Variants in LIFR observed in about 807,000 individuals in gnomAD.
LIFR encodes leukemia inhibitory factor receptor.
In LIFR, 84 loss-of-function variants were observed where a neutral mutation model predicts 122.2. The ratio of observed to expected loss-of-function variants is 0.69; its 90% confidence interval spans 0.58 to 0.82. LIFR has a LOEUF of 0.82. Ranked by LOEUF, LIFR falls within the 40% of genes least tolerant of loss-of-function variation. The pLI is 0.00. For synonymous variants in LIFR, 422 were observed against 434.7 expected (o/e 0.97, Z 0.36); for missense variants, 1,294 against 1,311.6 (o/e 0.99, Z 0.21).
At chr5:38,549,780 G>A (rs1748101809) in intron 1 of LIFR, among the ~76,000 whole-genome samples, 1 of 152,178 alleles carries the variant, frequency 6.6e-6, no homozygotes, top group African/African-American at 2.4e-5. Flanking sequence ...AACACAGCGA[G>A]ACTCCGTTTC....
At chr5:38,561,860 T>C (rs1341770652) in intron 1 of LIFR, among the ~76,000 whole-genome samples, 3 of 152,178 alleles carry the variant, frequency 2.0e-5, no homozygotes, top group Admixed American at 6.5e-5. Flanking sequence ...TACCATCACC[T>C]CCTGTCCTCT....
Position 38,485,878 on chromosome 5 carries a change from G to A in LIFR, c.2438C>T (p.Ala813Val), listed in dbSNP as rs1257416720. ...GKTSYHLVLR[A>V]YTDGGVGPEK... ...CGGGCCCACTCCACCATCTGTATAG[G>A]CTCGCAAGACCAGGTGGTAACTTGT... The change falls in exon 17 of 20, where the codon GCC becomes GTC. Residue 813 changes from alanine (A) to valine (V), a missense_variant. Transcript: ENST00000453190. 8.1e-6 allele frequency: 13 copies of A among 1,614,104 alleles called. No individual in the cohort carries two copies. Among genetic ancestry groups the A allele is most frequent in the African/African-American group, 1.3e-5 (1 of 75,030 alleles).
At position 38,490,270 on chromosome 5, in the gene LIFR, CT is replaced by C; in HGVS notation, c.2086del (p.Arg696AspfsTer20). The C allele has an allele frequency of 1.3e-6, 2 of 1,557,706 alleles. No individual in the cohort carries two copies. Among genetic ancestry groups the C allele is most frequent in the Non-Finnish European group, 1.8e-6 (2 of 1,131,520 alleles). ...IESDEFRPGI[R>X]YNFFLYGCRN... is the part of the protein sequence containing the mutation. ...GCATCCATACAGGAAAAAATTATAT[CT>C]TATACCTGGTCGAAACTCATCTATA... is the stretch of plus-strand genomic sequence containing the variant. On this transcript the variant is annotated frameshift_variant, in exon 15 of 20. Transcript: ENST00000453190. LOFTEE classifies it high-confidence loss of function.
At chr5:38,500,782 T>C (rs1745133812) in intron 11 of LIFR, among the ~76,000 whole-genome samples, 1 of 152,164 alleles carries the variant, frequency 6.6e-6, no homozygotes, top group South Asian at 2.1e-4. Flanking sequence ...TGACCAATAA[T>C]CCCCATGTGC....
At chr5:38,537,674 A>AG (rs1382707232) in intron 1 of LIFR, among the ~76,000 whole-genome samples, 1 of 151,610 alleles carries the variant, frequency 6.6e-6, no homozygotes, top group Admixed American at 6.6e-5. Flanking sequence ...TTTAAAAAAA[A>AG]AAATTATTCT....
At chr5:38,500,149 T>G (rs1171603863) in intron 11 of LIFR, among the ~76,000 whole-genome samples, 2 of 152,186 alleles carry the variant, frequency 1.3e-5, no homozygotes, top group African/African-American at 2.4e-5. Flanking sequence ...GCTGATAAAC[T>G]GATGTGTCTG....
chr5:38,502,096 TATAG>T (rs1225332143), intron 11 of LIFR, among the ~76,000 whole-genome samples: 4 of 152,086 alleles, frequency 2.6e-5, no homozygotes, highest in Non-Finnish European at 5.9e-5. Context: ...GCAATCATAG[TATAG>T]ATAGAGGAGC....
chr5:38,563,283 T>C (rs527751089), intron 1 of LIFR, among the ~76,000 whole-genome samples: 2 of 152,344 alleles, frequency 1.3e-5, no homozygotes, highest in South Asian at 4.1e-4. Context: ...AATTCCATTC[T>C]ACCTACCCAA....
rs1378045176 is a variant in LIFR, at chr5:38,514,904, C to T, written c.562-2940G>A. Among the ~76,000 whole-genome samples, 4 of 152,106 alleles carry T rather than the reference C, an allele frequency of 2.6e-5. No individual in the cohort carries two copies. The South Asian group carries it at 8.3e-4, about 32-fold the overall frequency. ...CCCGTAGGTTGTATGCTAACGCTACCGAGCATCTTTGAATTCTGGTATCTA... is the reference window on the plus strand; with the variant it reads ...CCCGTAGGTTGTATGCTAACGCTACTGAGCATCTTTGAATTCTGGTATCTA... On this transcript the variant is annotated intron_variant, in intron 5 of 19. Coordinates refer to ENST00000453190, the MANE Select transcript of LIFR (RefSeq NM_001127671.2).
At chr5:38,518,328 G>T (rs1746214747) in intron 5 of LIFR, among the ~76,000 whole-genome samples, 1 of 152,064 alleles carries the variant, frequency 6.6e-6, no homozygotes, top group African/African-American at 2.4e-5. Context: ...GTCTTCCTGT[G>T]ACTCTGTATC....
At chr5:38,522,942 G>A (rs1023465498) in intron 5 of LIFR, among the ~76,000 whole-genome samples, 2 of 152,022 alleles carry the variant, frequency 1.3e-5, no homozygotes, top group African/African-American at 2.4e-5. Flanking sequence ...CTCCTTAGAG[G>A]CCATTCATAA....
chr5:38,553,674 T>TATATATA (rs1748363894), intron 1 of LIFR, among the ~76,000 whole-genome samples: 5 of 93,818 alleles, frequency 5.3e-5, no homozygotes, highest in Admixed American at 2.3e-4. Flanking sequence ...ATATATATAT[T>TATATATA]ATATGTATGT....
Position 38,484,812 on chromosome 5 carries a change from C to T in LIFR, c.2554G>A (p.Val852Met), listed in dbSNP as rs752083301. 1.5e-5 allele frequency: 25 copies of T among 1,613,552 alleles called. No individual in the cohort carries two copies. Among genetic ancestry groups the T allele is most frequent in the Non-Finnish European group, 2.0e-5 (24 of 1,179,674 alleles). Residue 852 changes from valine to methionine, a missense_variant, in exon 18 of 20, where the codon GTG (valine) becomes ATG (methionine). Transcript: ENST00000453190. ...CGATAGCAAAGGATACTTGTCACCA[C>T]TCCAACAATGACAGCCACTGCCACT... is the stretch of plus-strand genomic sequence containing the variant. ...IPVAVAVIVG[V>M]VTSILCYRKR...
chr5:38,585,672 A>C (rs1409456554), intron 1 of LIFR, among the ~76,000 whole-genome samples: 1 of 152,198 alleles, frequency 6.6e-6, no homozygotes, highest in Non-Finnish European at 1.5e-5. Flanking sequence ...AGGGACACAC[A>C]GTCATTCAGA....
intron 1 of LIFR, among the ~76,000 whole-genome samples, chr5:38,568,472 T>TA (rs1365189496): frequency 6.6e-6 from 1 of 151,926 alleles, no homozygotes; most frequent in Non-Finnish European, 1.5e-5. Context: ...GGGGGCCAAT[T>TA]AGGTGGGATG....
chr5:38,547,380 A>G (rs746175831), intron 1 of LIFR, among the ~76,000 whole-genome samples: 17 of 152,190 alleles, frequency 1.1e-4, no homozygotes, highest in Non-Finnish European at 1.9e-4. Context: ...AAAGCAAAAA[A>G]AGAAGTAAAA....
At chr5:38,520,309 G>A (rs1462645965) in intron 5 of LIFR, among the ~76,000 whole-genome samples, 1 of 152,056 alleles carries the variant, frequency 6.6e-6, no homozygotes, top group Non-Finnish European at 1.5e-5. Flanking sequence ...ATTACAATGG[G>A]AGTATTAATT....
chr5:38,481,712 A>C lies in LIFR; in HGVS notation c.3177T>G (p.Ser1059Arg). ...ATTGTCGGGAATTAATGGAGCATGG[A>C]CTTCCAAATGAGACAATCTCACTGT... Reference protein sequence around the residue: ...DSNSEIVSFGSPCSINSRQFL... With the variant: ...DSNSEIVSFGRPCSINSRQFL... Residue 1059 changes from serine to arginine, a missense_variant, in exon 20 of 20, where the codon AGT becomes AGG. Physicochemically the swap from Ser to Arg is moderately radical, Grantham distance 110 (BLOSUM62 -1). Transcript: ENST00000453190. The C allele has an allele frequency of 1.9e-6, 3 of 1,614,180 alleles. No individual in the cohort carries two copies. Among genetic ancestry groups the C allele is most frequent in the Non-Finnish European group, 1.7e-6 (2 of 1,180,020 alleles).
intron 1 of LIFR, among the ~76,000 whole-genome samples, chr5:38,533,452 G>A (rs1747125577): frequency 6.6e-6 from 1 of 152,138 alleles, no homozygotes; most frequent in Non-Finnish European, 1.5e-5. Flanking sequence ...GTCAACACGG[G>A]CCCCTGAGCT....
Sources: allele counts gnomAD v4.1 joint callset (sites outside exome capture counted in the v4.1 genomes callset), GRCh38; gene constraint gnomAD v4.1.1; transcripts MANE v1.5; gene names NCBI Gene and HGNC (gene_info 2026-07-23, HGNC 2026-07-21).